Variants in FAXC observed in about 807,000 individuals in gnomAD.
The protein encoded by FAXC is failed axon connections homolog.
FAXC carries 10 observed loss-of-function variants against 41.9 expected under a neutral mutation model. The observed-to-expected ratio is 0.24, with a 90% confidence interval of 0.15 to 0.41. FAXC has a LOEUF of 0.41. FAXC is among the 10% of genes least tolerant of loss of function. The pLI is 1.00. For synonymous variants in FAXC, 183 were observed against 183.8 expected (o/e 1.00, Z 0.03); for missense variants, 399 against 510.9 (o/e 0.78, Z 2.11).
chr6:99,290,299 A>C (rs976904350), intron 5 of FAXC, among the ~76,000 whole-genome samples: 12 of 151,974 alleles, frequency 7.9e-5, no homozygotes, highest in Admixed American at 7.9e-4. Context: ...CTTGCTCCTT[A>C]GCTTCCCCTC....
At chr6:99,346,818 A>T (rs1045645471) in intron 1 of FAXC, among the ~76,000 whole-genome samples, 2 of 152,206 alleles carry the variant, frequency 1.3e-5, no homozygotes, top group African/African-American at 4.8e-5. Flanking sequence ...CTGAGCTGCA[A>T]TTTCCTTATC....
At chr6:99,342,438 C>T (rs1190138439) in intron 2 of FAXC, among the ~76,000 whole-genome samples, 1 of 151,842 alleles carries the variant, frequency 6.6e-6, no homozygotes, top group Non-Finnish European at 1.5e-5. Context: ...TCTGCTTCCC[C>T]GGTTCAAGTG....
chr6:99,344,176 CTATT>C, intron 1 of FAXC, among the ~76,000 whole-genome samples: 1 of 152,252 alleles, frequency 6.6e-6, no homozygotes, highest in Non-Finnish European at 1.5e-5. Context: ...AATACTGTAA[CTATT>C]TAGTAAACTA....
chr6:99,302,978 G>A (rs570682118), intron 4 of FAXC, among the ~76,000 whole-genome samples: 17 of 152,104 alleles, frequency 1.1e-4, no homozygotes, highest in Non-Finnish European at 2.5e-4. Flanking sequence ...TGACTTTTCT[G>A]TTGGAAAAAT....
chr6:99,349,812 G>A (rs1377484492), upstream of FAXC, among the ~76,000 whole-genome samples: 2 of 152,010 alleles, frequency 1.3e-5, no homozygotes, highest in South Asian at 2.1e-4. Context: ...GGCGCGCCGG[G>A]CAGGCTCCGC....
intron 4 of FAXC, among the ~76,000 whole-genome samples, chr6:99,310,174 G>A (rs2128456302): frequency 6.6e-6 from 1 of 152,350 alleles, no homozygotes; most frequent in Non-Finnish European, 1.5e-5. Context: ...GAAGGGCTGG[G>A]TTGTGTACCA....
At chr6:99,285,821 C>T (rs1301095900) in intron 5 of FAXC, among the ~76,000 whole-genome samples, 4 of 152,156 alleles carry the variant, frequency 2.6e-5, no homozygotes, top group Non-Finnish European at 5.9e-5. Context: ...AAATGCCCTC[C>T]CTGCTCTTCA....
intron 1 of FAXC, 109 bp from the exon 2 acceptor site, chr6:99,343,142 G>T (rs911470961): frequency 5.1e-6 from 5 of 976,930 alleles, no homozygotes; most frequent in Non-Finnish European, 7.4e-6. Context: ...TGAACAAGCA[G>T]ATCTGTTTGT....
intron 3 of FAXC, among the ~76,000 whole-genome samples, chr6:99,327,660 T>G (rs1341744035): frequency 6.6e-6 from 1 of 152,284 alleles, no homozygotes; most frequent in East Asian, 1.9e-4. Flanking sequence ...ATGTCTCCCA[T>G]ATCCAGCCCT....
intron 3 of FAXC, among the ~76,000 whole-genome samples, chr6:99,324,696 AT>A (rs1391313033): frequency 6.6e-6 from 1 of 152,070 alleles, no homozygotes; most frequent in East Asian, 1.9e-4. Flanking sequence ...AATGGCAAGA[AT>A]TTTTTTTATG....
At chr6:99,283,183 T>C (rs1227467758) in intron 5 of FAXC, among the ~76,000 whole-genome samples, 1 of 152,218 alleles carries the variant, frequency 6.6e-6, no homozygotes, top group African/African-American at 2.4e-5. Flanking sequence ...TATTCTCATT[T>C]TGGAAAATTA....
At chr6:99,331,582 A>G (rs925574931) in intron 3 of FAXC, among the ~76,000 whole-genome samples, 46 of 152,356 alleles carry the variant, frequency 3.0e-4, no homozygotes, top group African/African-American at 1.1e-3. Context: ...AGGGGAATAT[A>G]TATTTTCTAA....
chr6:99,312,360 C>T (rs1772185175), intron 4 of FAXC, among the ~76,000 whole-genome samples: 2 of 152,232 alleles, frequency 1.3e-5, no homozygotes, highest in Admixed American at 1.3e-4. Context: ...CACCAATGCA[C>T]ACTGTTCAGC....
At chr6:99,304,697 C>T (rs2128454408) in intron 4 of FAXC, among the ~76,000 whole-genome samples, 1 of 152,306 alleles carries the variant, frequency 6.6e-6, no homozygotes, top group East Asian at 1.9e-4. Flanking sequence ...TGAGTGCCTA[C>T]TGTTTACTAG....
chr6:99,304,425 T>G (rs777240351), intron 4 of FAXC, among the ~76,000 whole-genome samples: 50 of 152,306 alleles, frequency 3.3e-4, no homozygotes, highest in Admixed American at 2.0e-4. Context: ...ATTGAAGAAC[T>G]TGAGTGTTTC....
chr6:99,348,972 G>C (rs946893958), intron 1 of FAXC, 135 bp downstream of exon 1: 2 of 807,594 alleles, frequency 2.5e-6, no homozygotes, highest in African/African-American at 3.4e-5. Context: ...ATGCCTTTAG[G>C]GAAAGGTAAT....
At chr6:99,301,453 T>C (rs1020943345) in intron 4 of FAXC, among the ~76,000 whole-genome samples, 4 of 152,200 alleles carry the variant, frequency 2.6e-5, no homozygotes, top group Non-Finnish European at 2.9e-5. Context: ...TAAATATATA[T>C]GCCTACTATG....
At chr6:99,301,068 T>G (rs765195639) in intron 4 of FAXC, among the ~76,000 whole-genome samples, 2 of 152,212 alleles carry the variant, frequency 1.3e-5, no homozygotes, top group Non-Finnish European at 2.9e-5. Flanking sequence ...TTCAAACATG[T>G]ACATAATCAC....
chr6:99,311,954 C>A lies in FAXC; in HGVS notation c.823+11490G>T, dbSNP rs576180011. On this transcript the variant is annotated intron_variant, in intron 4 of 5. Coordinates refer to ENST00000389677, the MANE Select transcript of FAXC (RefSeq NM_032511.4). ...AGTATATTACCTGATAGCTTTACTT[C>A]TCCATACTATCCATGCCCAGTATCC... Among the ~76,000 whole-genome samples the A allele has an allele frequency of 2.6e-5, 4 of 152,276 alleles. No individual in the cohort carries two copies. The South Asian group carries it at 8.3e-4, about 32-fold the overall frequency.
Sources: gnomAD v4.1 joint callset for allele counts (sites outside exome capture counted in the v4.1 genomes callset) on GRCh38, gnomAD v4.1.1 for gene constraint, MANE v1.5 for transcripts, NCBI Gene and HGNC (gene_info 2026-07-23, HGNC 2026-07-21) for gene names.